SCRN1: variants seen among roughly 807,000 people sequenced by gnomAD.
The protein encoded by SCRN1 is secernin-1.
In SCRN1, 19 loss-of-function variants were observed where a neutral mutation model predicts 43.3. The observed-to-expected ratio is 0.44, with a 90% CI of 0.31 to 0.64. SCRN1 has a LOEUF of 0.64. Ranked by LOEUF, SCRN1 falls within the 30% of genes least tolerant of loss-of-function variation. The pLI is 0.09. For missense variants in SCRN1, 447 were observed against 524.1 expected (o/e 0.85, Z 1.44); for synonymous variants, 183 against 188.9 (o/e 0.97, Z 0.26).
intron 1 of SCRN1, among the ~76,000 whole-genome samples, chr7:29,974,443 G>T (rs1788747564): frequency 6.6e-6 from 1 of 152,090 alleles, no homozygotes. Context: ...GCCTCCTACA[G>T]TTGTCCACAT....
Position 29,922,942 on chromosome 7 carries a change from C to T in SCRN1, c.*1015G>A, listed in dbSNP as rs1223240631. 4 of 152,240 alleles carry T rather than the reference C, an allele frequency of 2.6e-5. No homozygotes were observed. The highest frequency in any genetic ancestry group is 9.6e-5 in the African/African-American group (4 of 41,460). 9.4% of individuals were successfully genotyped at this position (152,240 alleles called of 1,614,324 possible). A position where few individuals can be genotyped will look rare whatever the true frequency, so the allele number is the denominator to read the frequency against. On this transcript the variant is annotated 3_prime_UTR_variant, in exon 8 of 8. Transcript: ENST00000242059. Reference sequence around the variant, plus strand: ...AAACAAATCAGTTTAATTAAAGTCTCTCTGCTGAGATAATGTAGTGACTGC... The same window carrying T: ...AAACAAATCAGTTTAATTAAAGTCTTTCTGCTGAGATAATGTAGTGACTGC...
At chr7:29,928,576 G>A (rs993114010) in intron 6 of SCRN1, among the ~76,000 whole-genome samples, 12 of 152,258 alleles carry the variant, frequency 7.9e-5, no homozygotes, top group African/African-American at 2.9e-4. Flanking sequence ...TATAGATGAC[G>A]CAAATATAAT....
intron 1 of SCRN1, among the ~76,000 whole-genome samples, chr7:29,983,609 G>C (rs1253146009): frequency 6.6e-6 from 1 of 152,104 alleles, no homozygotes; most frequent in Non-Finnish European, 1.5e-5. Flanking sequence ...ATATAAATAG[G>C]GCTTTTGGAG....
At chr7:29,947,135 C>T in intron 3 of SCRN1, 19 of 1,517,412 alleles carry the variant, frequency 1.3e-5, no homozygotes, top group Non-Finnish European at 1.7e-5. Context: ...TCCACTGTAA[C>T]ATCTATCTTC....
intron 4 of SCRN1, among the ~76,000 whole-genome samples, chr7:29,941,525 T>C (rs1177636255): frequency 6.6e-6 from 1 of 152,196 alleles, no homozygotes; most frequent in Non-Finnish European, 1.5e-5. Context: ...AATATACATA[T>C]GTCTGGGTAT....
intron 2 of SCRN1, among the ~76,000 whole-genome samples, chr7:29,967,059 T>G (rs968849131): frequency 1.3e-5 from 2 of 152,176 alleles, no homozygotes; most frequent in Admixed American, 1.3e-4. Flanking sequence ...ATCAGTTTAT[T>G]TTGTGAAGCA....
rs1474845491 is a variant in SCRN1, at chr7:29,940,709, C to T, written c.712G>A (p.Gly238Ser). Residue 238 changes from glycine (G) to serine (S), a missense_variant, in exon 5 of 8, where the codon GGC becomes AGC. Gly to Ser is a moderately conservative substitution (Grantham distance 56). Coordinates refer to ENST00000242059, the MANE Select transcript of SCRN1 (RefSeq NM_014766.5). ...TCTTGTTTTTCTAAGCTGTCTTTGC[C>T]AGCACCGCAGTCTAGATGATCCTCA... is the stretch of plus-strand genomic sequence containing the variant. ...PVEDHLDCGA[G>S]KDSLEKQEES... The T allele has an allele frequency of 6.2e-7, 1 of 1,604,072 alleles. No individual in the cohort carries two copies. The highest frequency in any genetic ancestry group is 8.5e-7 in the Non-Finnish European group (1 of 1,177,296).
intron 3 of SCRN1, among the ~76,000 whole-genome samples, chr7:29,952,694 AAGAG>A (rs372707934): frequency 6.7e-6 from 1 of 148,842 alleles, no homozygotes; most frequent in Admixed American, 6.7e-5. Context: ...AAAAAAAAAA[AAGAG>A]AGAGAGAGAG....
At chr7:29,975,032 T>C (rs1261947029) in intron 1 of SCRN1, among the ~76,000 whole-genome samples, 1 of 152,194 alleles carries the variant, frequency 6.6e-6, no homozygotes, top group Non-Finnish European at 1.5e-5. Context: ...CACAAGAAAC[T>C]GGCTTTAAGA....
At chr7:29,947,266 C>T in intron 3 of SCRN1, 1 of 1,550,780 alleles carries the variant, frequency 6.4e-7, no homozygotes, top group African/African-American at 1.4e-5. Context: ...GAGCCCATGA[C>T]CTTCTCACAG....
At chr7:29,932,651 C>CAAAAAAAAAAAAAAAAAAAA (rs1162835669) in intron 6 of SCRN1, among the ~76,000 whole-genome samples, 1 of 8,048 alleles carries the variant, frequency 1.2e-4, no homozygotes, top group Non-Finnish European at 2.9e-4. Context: ...GATTCCATCT[C>CAAAAAAAAAAAAAAAAAAAA]AAAAAAAAAA....
At chr7:29,949,466 C>CA (rs1787847052) in intron 3 of SCRN1, among the ~76,000 whole-genome samples, 2 of 150,452 alleles carry the variant, frequency 1.3e-5, no homozygotes, top group South Asian at 4.3e-4. Flanking sequence ...GCAACCTCCC[C>CA]ACCTGGGTTC....
intron 1 of SCRN1, among the ~76,000 whole-genome samples, chr7:29,984,863 G>A (rs1583703671): frequency 7.2e-6 from 1 of 138,706 alleles, no homozygotes; most frequent in Non-Finnish European, 1.6e-5. Flanking sequence ...AGGTTGCAGT[G>A]AGCCGAGATA....
At chr7:29,990,188 G>C (rs1431761900), upstream of SCRN1, 5 of 1,551,534 alleles carry the variant, frequency 3.2e-6, no homozygotes, top group Non-Finnish European at 4.4e-6. Context: ...GTACCTTGTT[G>C]ACTCGCACGT....
intron 3 of SCRN1, among the ~76,000 whole-genome samples, chr7:29,951,521 G>A (rs1440265340): frequency 6.6e-6 from 1 of 152,182 alleles, no homozygotes; most frequent in Admixed American, 6.5e-5. Context: ...GGGATTACAG[G>A]CATGAGCCAC....
Position 29,965,882 on chromosome 7 carries a change from A to T in SCRN1, c.159+3027T>A, listed in dbSNP as rs1231983328. Among the ~76,000 whole-genome samples, 1 of 152,140 alleles carries T rather than the reference A, an allele frequency of 6.6e-6. No homozygotes were observed. The highest frequency in any genetic ancestry group is 1.5e-5 in the Non-Finnish European group (1 of 68,040). On this transcript the variant is annotated intron_variant, in intron 2 of 7. Transcript: ENST00000242059. This position sits in a 1 kb window ranked among gnomAD's most constrained non-coding sequence, Gnocchi z 4.2. ...TGTAGCCTATCCTCCAAAAAAGAAA[A>T]CAAATTTTTTTGAAATATTTATTTC... is the stretch of plus-strand genomic sequence containing the variant.
At chr7:29,966,159 C>G (rs9648029) in intron 2 of SCRN1, among the ~76,000 whole-genome samples, 15 of 84,466 alleles carry the variant, frequency 1.8e-4, no homozygotes, top group South Asian at 5.7e-4. Flanking sequence ...GACCGAGAGA[C>G]AGAGAGAGAG....
intron 2 of SCRN1, among the ~76,000 whole-genome samples, chr7:29,956,617 C>G (rs1478520077): frequency 6.6e-6 from 1 of 152,188 alleles, no homozygotes; most frequent in Non-Finnish European, 1.5e-5. Flanking sequence ...GAGCTGAAAC[C>G]CGTGTGACAC....
At chr7:29,926,014 C>T (rs146510739) in intron 7 of SCRN1, among the ~76,000 whole-genome samples, 18 of 152,262 alleles carry the variant, frequency 1.2e-4, no homozygotes, top group African/African-American at 4.1e-4. Flanking sequence ...GTGCAACCAG[C>T]ACCACCAGCC....
Sources: allele counts gnomAD v4.1 joint callset (sites outside exome capture counted in the v4.1 genomes callset), GRCh38; gene constraint gnomAD v4.1.1; non-coding constraint Gnocchi (gnomAD v3.1); transcripts MANE v1.5; gene names NCBI Gene and HGNC (gene_info 2026-07-23, HGNC 2026-07-21).